Variants in ACSF3 observed in about 807,000 individuals in gnomAD.
The protein encoded by ACSF3 is malonate--CoA ligase ACSF3, mitochondrial.
In ACSF3, 78 loss-of-function variants were observed where a neutral mutation model predicts 53.2. That is an observed-to-expected ratio of 1.47 (90% CI 1.22 to 1.77). The LOEUF (loss-of-function observed/expected upper bound fraction) is 1.77, where lower values mean the gene tolerates loss of function less well. Among genes scored for constraint, ACSF3 ranks in the 40% most tolerant of loss-of-function variants. ACSF3 has a pLI of 0.00. For missense variants in ACSF3, 937 were observed against 771.1 expected (o/e 1.22, Z -2.55); for synonymous variants, 414 against 333.1 (o/e 1.24, Z -2.65).
At chr16:89,102,262 C>G in intron 3 of ACSF3, 1 of 390,026 alleles carries the variant, frequency 2.6e-6, no homozygotes, top group African/African-American at 2.1e-5. Flanking sequence ...CGATTCCAGC[C>G]TGAATGGCGC....
At chr16:89,111,987 C>A in intron 4 of ACSF3, 105 bp from the exon 5 acceptor site, 1 of 1,056,268 alleles carries the variant, frequency 9.5e-7, no homozygotes, top group Non-Finnish European at 1.4e-6. Context: ...GCGCTGCAGA[C>A]TCTTGAATGT....
chr16:89,113,523 G>A (rs1047932046), intron 5 of ACSF3: 3 of 152,666 alleles, frequency 2.0e-5, no homozygotes, highest in Non-Finnish European at 4.4e-5. Context: ...GGGCAAGAAC[G>A]AGGTCAGTGA....
At position 89,101,226 on chromosome 16, in the gene ACSF3, C is replaced by T. The variant is rs145470870; in HGVS notation, c.545C>T (p.Pro182Leu). 141 of 1,601,576 alleles carry T rather than the reference C, an allele frequency of 8.8e-5. No individual in the cohort carries two copies. The highest frequency in any genetic ancestry group is 6.6e-4 in the Middle Eastern group (4 of 6,040). Reference sequence around the variant, plus strand: ...ATCTACACTGGAGCAGTAGAGGAACCGGCAGAGGTCCCGGTCCCAGAGCAG... The same window carrying T: ...ATCTACACTGGAGCAGTAGAGGAACTGGCAGAGGTCCCGGTCCCAGAGCAG... ...PAIYTGAVEE[P>L]AEVPVPEQGW... Residue 182 changes from proline (P) to leucine (L), a missense_variant, in exon 3 of 11, where the codon CCG becomes CTG. Pro to Leu is a moderately conservative substitution (Grantham distance 98, BLOSUM62 -3). Coordinates refer to ENST00000614302, the MANE Select transcript of ACSF3 (RefSeq NM_001243279.3).
chr16:89,113,734 C>G (rs74419385), intron 5 of ACSF3: 1 of 186,978 alleles, frequency 5.3e-6, no homozygotes, highest in African/African-American at 2.4e-5. Context: ...CGCGGGGACT[C>G]GGAGTTCTCA....
rs751929678 is a variant in ACSF3 at position 89,100,964 on chromosome 16, G to C, written c.283G>C (p.Glu95Gln). 2.5e-6 allele frequency: 4 copies of C among 1,613,486 alleles called. No individual in the cohort carries two copies. The East Asian group carries it at 6.7e-5, about 27-fold the overall frequency. Residue 95 changes from glutamate (E) to glutamine (Q), a missense_variant, in exon 3 of 11, where the codon GAG becomes CAG. By Grantham distance (29) the Glu-to-Gln change is conservative. Coordinates refer to ENST00000614302, the MANE Select transcript of ACSF3 (RefSeq NM_001243279.3). ...CGGGTGTGTCGGCGGGGACCTCCGG[G>C]AGGAGAGGGTCTCCTTCCTATGCGC... ...LCGCVGGDLR[E>Q]ERVSFLCAND...
intron 8 of ACSF3, among the ~76,000 whole-genome samples, chr16:89,137,281 C>T (rs192746600): frequency 1.1e-4 from 16 of 151,066 alleles, no homozygotes; most frequent in Admixed American, 9.2e-4. Context: ...GGGAAGAGCC[C>T]CAGGTCTCGG....
chr16:89,134,299 G>A lies in ACSF3; in HGVS notation c.1366+1037G>A, dbSNP rs563370361. Reference sequence around the variant, plus strand: ...AAGTGTTATAGCTCTATTAGAAGCCGTGGGCCACAGAAAAGAACCATGGAA... The same window carrying A: ...AAGTGTTATAGCTCTATTAGAAGCCATGGGCCACAGAAAAGAACCATGGAA... On this transcript the variant is annotated intron_variant, in intron 8 of 10. Coordinates refer to ENST00000614302, the MANE Select transcript of ACSF3 (RefSeq NM_001243279.3). 1.1e-3 allele frequency among the ~76,000 whole-genome samples: 172 copies of A among 152,282 alleles called. 2 individuals are homozygous for A. The highest frequency in any genetic ancestry group is 3.7e-3 in the African/African-American group (155 of 41,534).
In ACSF3 at chr16:89,120,922, C is replaced by G. The variant is rs376238513; in HGVS notation, c.1239+9C>G. The G allele has an allele frequency of 8.7e-6, 14 of 1,612,610 alleles. No homozygotes were observed. Among genetic ancestry groups the G allele is most frequent in the Admixed American group, 6.7e-5 (4 of 60,008 alleles). On this transcript the variant is annotated intron_variant, in intron 7 of 10. Transcript: ENST00000614302. ...ACGAGAGGGGGACCAAGGTAAGCCA[C>G]TCTGCTCTTGGCAGGTGGGCGGCCG...
intron 8 of ACSF3, 102 bp from the exon 9 acceptor site, chr16:89,145,165 C>G: frequency 6.2e-7 from 1 of 1,612,508 alleles, no homozygotes; most frequent in Non-Finnish European, 8.5e-7. Context: ...CCTCAGAGGA[C>G]ACCGTGGTGT....
At chr16:89,136,439 G>A in intron 8 of ACSF3, 1 of 1,099,530 alleles carries the variant, frequency 9.1e-7, no homozygotes, top group Non-Finnish European at 1.2e-6. Flanking sequence ...CATTAGCGAT[G>A]CTGCTGCATA....
chr16:89,145,596 A>G lies in ACSF3; in HGVS notation c.1501+195A>G, dbSNP rs575948390. On this transcript the variant is annotated intron_variant, in intron 9 of 10. Coordinates refer to ENST00000614302, the MANE Select transcript of ACSF3 (RefSeq NM_001243279.3). ...GTGCAGCCTGCTCGGTGTTGGAGCC[A>G]CTGACCCCGTGCCCACCAGAGCTCC... 1.1e-3 allele frequency among the ~76,000 whole-genome samples: 171 copies of G among 152,322 alleles called. 1 individual carries two copies. The highest frequency in any genetic ancestry group is 3.8e-3 in the African/African-American group (159 of 41,580).
At position 89,100,911 on chromosome 16, in the gene ACSF3, G is replaced by T. The variant is rs746501634; in HGVS notation, c.230G>T (p.Arg77Leu). 1.2e-6 allele frequency: 2 copies of T among 1,613,854 alleles called. No individual in the cohort carries two copies. Among genetic ancestry groups the T allele is most frequent in the Admixed American group, 1.7e-5 (1 of 60,032 alleles). The change falls in exon 3 of 11, where the codon CGC (arginine) becomes CTC (leucine). Residue 77 changes from arginine (R) to leucine (L), a missense_variant. By Grantham distance (102) the Arg-to-Leu change is moderately radical. Transcript: ENST00000614302. ...TYRELYSRSL[R>L]LSQEICRLCG... ...AGGGAGCTTTATTCCCGCAGCCTTC[G>T]CCTGTCCCAGGAGATCTGCAGGCTC...
In ACSF3 at chr16:89,137,245, C is replaced by G. The variant is rs183475102; in HGVS notation, c.1366+3983C>G. ...AGAGCCAGGGATCCCGGGAGGACCA[C>G]CAGGAGCTTGTGGGGAAGGACTGAG... On this transcript the variant is annotated intron_variant, in intron 8 of 10. Coordinates refer to ENST00000614302, the MANE Select transcript of ACSF3 (RefSeq NM_001243279.3). Among the ~76,000 whole-genome samples the G allele has an allele frequency of 3.9e-5, 6 of 151,996 alleles. 1 individual carries two copies. Among genetic ancestry groups the G allele is most frequent in the Admixed American group, 2.0e-4 (3 of 15,240 alleles).
intron 8 of ACSF3, among the ~76,000 whole-genome samples, chr16:89,137,204 C>T (rs962459354): frequency 2.0e-5 from 3 of 152,110 alleles, no homozygotes; most frequent in African/African-American, 2.4e-5. Flanking sequence ...AACCTGATAA[C>T]CGAACTCCTT....
intron 8 of ACSF3, among the ~76,000 whole-genome samples, chr16:89,136,230 C>T (rs1472582692): frequency 1.3e-5 from 2 of 152,232 alleles, no homozygotes; most frequent in East Asian, 1.9e-4. Flanking sequence ...TGGAAACACT[C>T]GCAGTCGCCA....
At chr16:89,127,990 ATC>A (rs1908488201) in intron 7 of ACSF3, among the ~76,000 whole-genome samples, 1 of 151,844 alleles carries the variant, frequency 6.6e-6, no homozygotes, top group Non-Finnish European at 1.5e-5. Flanking sequence ...CTAGAAGTTT[ATC>A]TGTTTTATGG....
At chr16:89,120,774 C>G (rs1906444112) in intron 6 of ACSF3, 27 bp from the exon 7 acceptor site, 1 of 1,604,460 alleles carries the variant, frequency 6.2e-7, no homozygotes, top group African/African-American at 1.3e-5. Context: ...CTCCAGCCTC[C>G]CCTTCAGTGT....
At chr16:89,114,277 CA>C in intron 5 of ACSF3, 61 bp from the exon 6 acceptor site, 1 of 1,607,904 alleles carries the variant, frequency 6.2e-7, no homozygotes, top group African/African-American at 1.3e-5. Flanking sequence ...CTAAACCTGC[CA>C]CCTTTGCACG....
rs146896429 is a variant in ACSF3, at chr16:89,139,478, G to A, written c.1367-5789G>A. Among the ~76,000 whole-genome samples, 1,103 of 152,002 alleles carry A rather than the reference G, an allele frequency of 7.3e-3. 4 individuals carry two copies. Among genetic ancestry groups the A allele is most frequent in the African/African-American group, 0.019 (781 of 41,422 alleles). On this transcript the variant is annotated intron_variant, in intron 8 of 10. Transcript: ENST00000614302. ...CAGCCTTGCTTGTCGGTTTGGCTGC[G>A]TATAGGGTTCAGGGTTAGAAGTCGC...
Sources: allele counts gnomAD v4.1 joint callset (sites outside exome capture counted in the v4.1 genomes callset), GRCh38; gene constraint gnomAD v4.1.1; transcripts MANE v1.5; gene names NCBI Gene and HGNC (gene_info 2026-07-23, HGNC 2026-07-21).